COL5A3: variants seen among roughly 807,000 people sequenced by gnomAD.
The protein encoded by COL5A3 is collagen alpha-3(V) chain.
COL5A3 carries 172 observed loss-of-function variants against 250.0 expected under a neutral mutation model. That is an observed-to-expected ratio of 0.69 (90% CI 0.61 to 0.78). COL5A3 has a LOEUF of 0.78. COL5A3 is among the 30% of genes least tolerant of loss of function. COL5A3 has a pLI of 0.00. For missense variants in COL5A3, 2,340 were observed against 2,334.4 expected (o/e 1.00, Z -0.05); for synonymous variants, 937 against 900.4 (o/e 1.04, Z -0.73).
chr19:9,965,150 CTTTTTCT>C (rs758087133), intron 64 of COL5A3, among the ~76,000 whole-genome samples: 23,417 of 137,314 alleles, frequency 0.17, 1,840 homozygotes, highest in South Asian at 0.29. Context: ...TTTTTCTTTT[CTTTTTCT>C]TTTTTTTTTT....
intron 27 of COL5A3, among the ~76,000 whole-genome samples, chr19:9,987,436 G>A (rs1048371105): frequency 6.6e-6 from 1 of 152,100 alleles, no homozygotes; most frequent in African/African-American, 2.4e-5. Context: ...CAACATAGGG[G>A]TCAGTTAATG....
chr19:9,977,323 C>G, intron 43 of COL5A3, 41 bp from the exon 44 acceptor site: 1 of 1,613,380 alleles, frequency 6.2e-7, no homozygotes, highest in Non-Finnish European at 8.5e-7. Flanking sequence ...TTCCATTCAC[C>G]CCCATCCTCC....
Position 9,966,376 on chromosome 19 carries a change from C to T in COL5A3, c.4720G>A (p.Val1574Ile). The change falls in exon 64 of 67, where the codon GTT (valine) becomes ATT (isoleucine). Residue 1574 changes from valine (V) to isoleucine (I), a missense_variant. Val to Ile is a conservative substitution (Grantham distance 29). This residue lies in a region of COL5A3 where 1,179 missense variants were observed against 1,162.6 expected (regional missense o/e 1.01). Transcript: ENST00000264828. ...CCTCCCGCCGTGAAGTTGCAAAAAA[C>T]CCTGAACGAGTCCCGCGCGCAGCCC... Reference protein sequence around the residue: ...NQGCARDSFRVFCNFTAGGET... With the variant: ...NQGCARDSFRIFCNFTAGGET... 1.2e-6 allele frequency: 2 copies of T among 1,610,068 alleles called. No individual in the cohort carries two copies. The highest frequency in any genetic ancestry group is 1.7e-6 in the Non-Finnish European group (2 of 1,177,656).
rs1467853144 is a variant in COL5A3, at chr19:9,959,684, T to C, written c.*727A>G. The C allele has an allele frequency of 6.6e-6, 1 of 152,500 alleles. No individual in the cohort carries two copies. The highest frequency in any genetic ancestry group is 1.5e-5 in the Non-Finnish European group (1 of 68,046). The allele number at this position is 152,500 out of a possible 1,614,324, so 9.4% of individuals were successfully genotyped here. ...CAGCCTTCCCTAAGGAGGAAGCAGA[T>C]GAAATCTACAACAGGGGGGACTTTC... On this transcript the variant is annotated 3_prime_UTR_variant, in exon 67 of 67. Coordinates refer to ENST00000264828, the MANE Select transcript of COL5A3 (RefSeq NM_015719.4).
rs1037459273 is a variant in COL5A3, at chr19:9,961,715, C to T, written c.4852-825G>A. ...CTGGGACTACGGGCGCCTGCCACCA[C>T]GCCCGGCTAATTTTTTGTATTTTTA... On this transcript the variant is annotated intron_variant, in intron 65 of 66. Coordinates refer to ENST00000264828, the MANE Select transcript of COL5A3 (RefSeq NM_015719.4). 5.9e-5 allele frequency among the ~76,000 whole-genome samples: 9 copies of T among 152,128 alleles called. No homozygotes were observed. The East Asian group carries it at 1.4e-3, about 23-fold the overall frequency.
At chr19:9,993,704 A>G (rs1367868511) in intron 17 of COL5A3, 32 bp from the exon 18 acceptor site, 4 of 1,613,864 alleles carry the variant, frequency 2.5e-6, no homozygotes, top group African/African-American at 2.7e-5. Flanking sequence ...CCTTGACCCC[A>G]TAAGCCTGAC....
Position 9,986,767 on chromosome 19 carries a change from T to TTAA in COL5A3, c.2146-10_2146-9insTTA. On this transcript the variant is annotated splice_polypyrimidine_tract_variant and intron_variant, in intron 27 of 66. Coordinates refer to ENST00000264828, the MANE Select transcript of COL5A3 (RefSeq NM_015719.4). ...CGGTTGCCTGAAGTGCCCTGGAAAA[T>TTAA]AAAAAAAAAAAGCTCTCAAGCCTCT... is the stretch of plus-strand genomic sequence containing the variant. The TTAA allele has an allele frequency of 1.3e-6, 2 of 1,488,220 alleles. No homozygotes were observed. Among genetic ancestry groups the TTAA allele is most frequent in the Non-Finnish European group, 1.8e-6 (2 of 1,081,966 alleles). The allele number at this position is 1,488,220 out of a possible 1,614,324, so 92.2% of individuals were successfully genotyped here.
Position 9,996,220 on chromosome 19 carries a change from GC to G in COL5A3, c.1464del (p.Arg489AlafsTer13). 6.3e-7 allele frequency: 1 copy of G among 1,575,456 alleles called. No individual in the cohort carries two copies. Among genetic ancestry groups the G allele is most frequent in the Non-Finnish European group, 8.6e-7 (1 of 1,162,876 alleles). ...GCCTTACTCACCACAGGGCCTGGGC[GC>G]CCAGTGAGCCCCACTGGACCAGGGG... ...KGPPGPVGLT[G>X]RPGPVGLPGH... On this transcript the variant is annotated frameshift_variant, in exon 14 of 67. Coordinates refer to ENST00000264828, the MANE Select transcript of COL5A3 (RefSeq NM_015719.4). LOFTEE classifies it high-confidence loss of function.
In COL5A3 at chr19:9,996,428, C is replaced by T. The variant is rs1393910737; in HGVS notation, c.1422+5G>A. On this transcript the variant is annotated splice_donor_5th_base_variant and intron_variant, in intron 13 of 66. Transcript: ENST00000264828. ...CCTCCCACTATGTCCACACCTCCCA[C>T]TCACCTGAGTCTGCTGCAGAACTGC... 6.2e-7 allele frequency: 1 copy of T among 1,613,674 alleles called. No individual in the cohort carries two copies. The highest frequency in any genetic ancestry group is 1.3e-5 in the African/African-American group (1 of 74,928).
rs1568418772 is a variant in COL5A3 at position 9,983,586 on chromosome 19, AAGAAAGAAAGAAAGAGAAAG to A, written c.2407-1488_2407-1469del. 1.7e-4 allele frequency among the ~76,000 whole-genome samples: 15 copies of A among 86,400 alleles called. 1 individual carries two copies. The East Asian group carries it at 3.2e-3, about 18-fold the overall frequency. 56.7% of individuals were successfully genotyped at this position (86,400 alleles called of 152,430 possible). A position where few individuals can be genotyped will look rare whatever the true frequency, so the allele number is the denominator to read the frequency against. On this transcript the variant is annotated intron_variant, in intron 31 of 66. Transcript: ENST00000264828. Reference sequence around the variant, plus strand: ...AAAGAAAGAAAGAAAGAAAGAAAGAAAGAAAGAAAGAAAGAGAAAGAGAGAGAGAGAGAAAGAAAGAAAGA... The same window carrying A: ...AAAGAAAGAAAGAAAGAAAGAAAGAAAGAGAGAGAGAGAAAGAAAGAAAGA...
chr19:9,960,815 C>A lies in COL5A3; in HGVS notation c.4927G>T (p.Ala1643Ser), dbSNP rs2086662535. 4.3e-6 allele frequency: 7 copies of A among 1,613,450 alleles called. No homozygotes were observed. In the South Asian group the frequency reaches 7.7e-5, roughly 18 times the overall value. Reference protein sequence around the residue: ...LNFLKLLSATARQNFTYSCQN... With the variant: ...LNFLKLLSATSRQNFTYSCQN... ...CAGGAGTAGGTGAAGTTCTGGCGAG[C>A]TGTGGCACTCAGCAGTTTCAGGAAG... is the stretch of plus-strand genomic sequence containing the variant. The change falls in exon 66 of 67, where the codon GCT becomes TCT. Residue 1643 changes from alanine to serine, a missense_variant. This residue lies in a region of COL5A3 where 1,179 missense variants were observed against 1,162.6 expected (regional missense o/e 1.01). Transcript: ENST00000264828.
intron 55 of COL5A3, 66 bp downstream of exon 55, chr19:9,969,803 C>A: frequency 6.3e-7 from 1 of 1,596,752 alleles, no homozygotes; most frequent in Non-Finnish European, 8.6e-7. Flanking sequence ...GGTCCACCCT[C>A]TCCTGATGGC....
At position 9,962,881 on chromosome 19, in the gene COL5A3, A is replaced by C. The variant is rs751745540; in HGVS notation, c.4789T>G (p.Leu1597Val). 1 of 1,608,912 alleles carries C rather than the reference A, an allele frequency of 6.2e-7. No homozygotes were observed. Among genetic ancestry groups the C allele is most frequent in the African/African-American group, 1.3e-5 (1 of 74,806 alleles). The change falls in exon 65 of 67, where the codon TTG becomes GTG. Residue 1597 changes from leucine to valine, a missense_variant. By Grantham distance (32) the Leu-to-Val change is conservative. Transcript: ENST00000264828. The part of the protein sequence containing the change: ...YPDKKFEIVK[L>V]ASWSKEKPGG... Reference sequence around the variant, plus strand: ...GGCTTTTCCTTGGACCAGGAGGCCAATTTCACCTGGAAGAGAAAAGGGAGG... The same window carrying C: ...GGCTTTTCCTTGGACCAGGAGGCCACTTTCACCTGGAAGAGAAAAGGGAGG...
rs180805227 is a variant in COL5A3 at position 9,983,739 on chromosome 19, C to T, written c.2407-1621G>A. On this transcript the variant is annotated intron_variant, in intron 31 of 66. Transcript: ENST00000264828. ...GAAAAGAAAAGAAAAAAGAGGGGGA[C>T]GCAGTGAGGGAGGGAGGGAAGAAAG... Among the ~76,000 whole-genome samples, 163 of 143,662 alleles carry T rather than the reference C, an allele frequency of 1.1e-3. 1 individual carries two copies. The highest frequency in any genetic ancestry group is 3.8e-3 in the African/African-American group (146 of 38,604). 94.2% of individuals were successfully genotyped at this position (143,662 alleles called of 152,430 possible).
In COL5A3 at chr19:10,006,250, G is replaced by A. The variant is rs781034510; in HGVS notation, c.89-19C>T. On this transcript the variant is annotated intron_variant, in intron 1 of 66. Transcript: ENST00000264828. ...ACAGGATCTGCAGCAGAGAGAAGCC[G>A]GGGGTGTCAGGCAGAGGTGGGGAAC... The A allele has an allele frequency of 1.6e-5, 25 of 1,575,482 alleles. No individual in the cohort carries two copies. The highest frequency in any genetic ancestry group is 6.8e-5 in the East Asian group (3 of 43,898).
At chr19:9,962,682 C>T (rs1423776334) in intron 65 of COL5A3, 137 bp downstream of exon 65, 1 of 624,478 alleles carries the variant, frequency 1.6e-6, no homozygotes, top group East Asian at 2.9e-5. Flanking sequence ...TGCCACCCCA[C>T]CTCCAGCTTG....
chr19:9,965,706 G>A (rs2336500), intron 64 of COL5A3, among the ~76,000 whole-genome samples: 29,716 of 151,838 alleles, frequency 0.2, 3,090 homozygotes, highest in South Asian at 0.33. Context: ...GCCCCCGCTT[G>A]GCCTCCCAAA....
At position 9,977,644 on chromosome 19, in the gene COL5A3, G is replaced by A; in HGVS notation, c.3076C>T (p.Gln1026Ter). 6.2e-7 allele frequency: 1 copy of A among 1,608,606 alleles called. No homozygotes were observed. Among genetic ancestry groups the A allele is most frequent in the Non-Finnish European group, 8.5e-7 (1 of 1,177,188 alleles). The change falls in exon 42 of 67, where the codon CAA becomes TAA. Residue 1026 changes from glutamine (Q) to a stop codon, truncating the protein, a stop_gained. Transcript: ENST00000264828. LOFTEE classifies it high-confidence loss of function. ...CCAACGGGGCCTTCGCTGCCACTTT[G>A]GCCAGGAAGTCCAATGCCTCCTGCT... ...GPAGGIGLPG[Q>*]SGSEGPVGPA...
intron 31 of COL5A3, among the ~76,000 whole-genome samples, chr19:9,982,979 C>T (rs1019689133): frequency 6.6e-6 from 1 of 152,108 alleles, no homozygotes; most frequent in African/African-American, 2.4e-5. Flanking sequence ...CCTCAACCTC[C>T]TGAATAGCTG....
Sources: gnomAD v4.1 joint callset for allele counts (sites outside exome capture counted in the v4.1 genomes callset) on GRCh38, gnomAD v4.1.1 for gene constraint, gnomAD v4.1.1 regional missense constraint, MANE v1.5 for transcripts, NCBI Gene and HGNC (gene_info 2026-07-23, HGNC 2026-07-21) for gene names.